ZNF131: variants seen among roughly 807,000 people sequenced by gnomAD.
ZNF131 encodes zinc finger and BTB domain containing 35.
Under a neutral mutation model 60.0 loss-of-function variants are expected in ZNF131, and 7 were observed. That is an observed-to-expected ratio of 0.12 (90% CI 0.07 to 0.22). The LOEUF (loss-of-function observed/expected upper bound fraction) is 0.22. Ranked by LOEUF, ZNF131 falls within the 10% of genes least tolerant of loss-of-function variation. The probability of loss-of-function intolerance (pLI) is 1.00; values close to 1 mark genes in which losing one functional copy is unlikely to be tolerated. For missense variants in ZNF131, 493 were observed against 740.9 expected, an observed-to-expected ratio of 0.67 and a Z score of 3.88; for synonymous variants, 257 against 253.2, an observed-to-expected ratio of 1.01 and a Z score of -0.14.
chr5:43,144,418 C>T (rs1413676826), intron 4 of ZNF131, among the ~76,000 whole-genome samples: 1 of 151,622 alleles, frequency 6.6e-6, no homozygotes, highest in Non-Finnish European at 1.5e-5. Context: ...TTGGTAGAGT[C>T]GGAGTTTCAC....
At chr5:43,143,487 A>G (rs949349630) in intron 4 of ZNF131, 5 of 1,164,144 alleles carry the variant, frequency 4.3e-6, no homozygotes, top group Non-Finnish European at 5.9e-6. Context: ...TTAATTTCCT[A>G]TCCCACTGGA....
At chr5:43,170,618 G>GT (rs1561449987) in intron 5 of ZNF131, among the ~76,000 whole-genome samples, 11 of 148,852 alleles carry the variant, frequency 7.4e-5, no homozygotes, top group African/African-American at 2.5e-4. Context: ...ACCTGTAACA[G>GT]CATTCATCTT....
In ZNF131 at chr5:43,174,044, G is replaced by A. The variant is rs193147319; in HGVS notation, c.1186-403G>A. ...GGAGTTCAAGACCAGGCTGGCTAAC[G>A]TGCTGAAACCCTGTCTCTACTAAAA... On this transcript the variant is annotated intron_variant, in intron 6 of 6. Transcript: ENST00000682664. 2.0e-3 allele frequency among the ~76,000 whole-genome samples: 312 copies of A among 152,196 alleles called. 1 individual carries two copies. The highest frequency in any genetic ancestry group is 6.9e-3 in the African/African-American group (288 of 41,552).
chr5:43,144,382 C>T (rs1747316187), intron 4 of ZNF131, among the ~76,000 whole-genome samples: 1 of 151,566 alleles, frequency 6.6e-6, no homozygotes, highest in Non-Finnish European at 1.5e-5. Flanking sequence ...GCGCTCACCA[C>T]CACGCCCAAC....
chr5:43,171,235 A>C (rs1750953190), intron 5 of ZNF131, among the ~76,000 whole-genome samples: 1 of 152,190 alleles, frequency 6.6e-6, no homozygotes, highest in Non-Finnish European at 1.5e-5. Context: ...GGTGTGAGCC[A>C]CCGCACCTGG....
chr5:43,173,760 T>G (rs1372553635), intron 6 of ZNF131, among the ~76,000 whole-genome samples: 1 of 151,588 alleles, frequency 6.6e-6, no homozygotes, highest in Non-Finnish European at 1.5e-5. Flanking sequence ...CCCCCCATGA[T>G]TAGTGTATTT....
chr5:43,130,905 C>G (rs1745261388), intron 3 of ZNF131, among the ~76,000 whole-genome samples: 1 of 149,242 alleles, frequency 6.7e-6, no homozygotes, highest in South Asian at 2.1e-4. Flanking sequence ...ACTCTGCCAC[C>G]CAGGCTGGAG....
intron 3 of ZNF131, among the ~76,000 whole-genome samples, chr5:43,138,581 G>A (rs1376622965): frequency 6.6e-6 from 1 of 152,176 alleles, no homozygotes; most frequent in African/African-American, 2.4e-5. Flanking sequence ...GAATCTGGGA[G>A]GCAGAGGTTG....
chr5:43,126,069 G>T (rs745596016), intron 3 of ZNF131, among the ~76,000 whole-genome samples: 1 of 152,214 alleles, frequency 6.6e-6, no homozygotes, highest in Non-Finnish European at 1.5e-5. Context: ...GTCTAGCAAG[G>T]TCACCTGGCT....
chr5:43,175,129 A>G lies in ZNF131; in HGVS notation c.1868A>G (p.Glu623Gly). The G allele has an allele frequency of 6.2e-7, 1 of 1,603,294 alleles. No individual in the cohort carries two copies. The highest frequency in any genetic ancestry group is 8.5e-7 in the Non-Finnish European group (1 of 1,175,956). ...NEDRTALPVL[E>G] ...GACAGAACAGCTCTGCCAGTTTTAG[A>G]ATGAAATTACACATGAATATATTTT... Residue 623 changes from glutamate (E) to glycine (G), a missense_variant, in exon 7 of 7, where the codon GAA (glutamate) becomes GGA (glycine). By Grantham distance (98) the Glu-to-Gly change is moderately conservative. Transcript: ENST00000682664.
At chr5:43,159,270 C>T (rs1436466350) in intron 4 of ZNF131, among the ~76,000 whole-genome samples, 5 of 152,084 alleles carry the variant, frequency 3.3e-5, no homozygotes, top group Non-Finnish European at 5.9e-5. Flanking sequence ...ATACTGCAAA[C>T]ATCCAAACCG....
At chr5:43,131,507 T>C (rs1454279562) in intron 3 of ZNF131, among the ~76,000 whole-genome samples, 1 of 152,158 alleles carries the variant, frequency 6.6e-6, no homozygotes, top group Non-Finnish European at 1.5e-5. Flanking sequence ...TGTGTTGACA[T>C]GGCATACGAA....
At chr5:43,132,659 C>T (rs1046587758) in intron 3 of ZNF131, among the ~76,000 whole-genome samples, 10 of 151,934 alleles carry the variant, frequency 6.6e-5, no homozygotes, top group African/African-American at 9.7e-5. Context: ...TACAGGCGCG[C>T]GTAACCACAC....
Position 43,127,000 on chromosome 5 carries a change from G to GA in ZNF131, c.226+3697dup, listed in dbSNP as rs557016029. On this transcript the variant is annotated intron_variant, in intron 3 of 6. Coordinates refer to ENST00000682664, the MANE Select transcript of ZNF131 (RefSeq NM_001330707.2). ...CAAGTCTAAGCTGACATATGTGGGA[G>GA]AAAAAAACCAGGAAACTCACTACTG... Among the ~76,000 whole-genome samples, 702 of 152,118 alleles carry GA rather than the reference G, an allele frequency of 4.6e-3. 4 individuals carry two copies. The highest frequency in any genetic ancestry group is 0.016 in the African/African-American group (680 of 41,510).
intron 5 of ZNF131, among the ~76,000 whole-genome samples, chr5:43,172,081 CTG>C (rs1241702662): frequency 6.6e-6 from 1 of 152,238 alleles, no homozygotes; most frequent in Non-Finnish European, 1.5e-5. Context: ...TTGGTAATGA[CTG>C]TTTTCATTGT....
chr5:43,133,460 C>G (rs886678777), intron 3 of ZNF131, among the ~76,000 whole-genome samples: 4 of 152,038 alleles, frequency 2.6e-5, no homozygotes, highest in African/African-American at 7.2e-5. Context: ...TGGGAAACTC[C>G]ATCTCAAAAA....
intron 4 of ZNF131, among the ~76,000 whole-genome samples, chr5:43,150,874 A>AG (rs1748219535): frequency 6.6e-6 from 1 of 152,208 alleles, no homozygotes. Flanking sequence ...CAGAACTTCA[A>AG]GCAGCAGGAT....
chr5:43,124,691 G>A (rs1744285274), intron 3 of ZNF131: 1 of 152,104 alleles, frequency 6.6e-6, no homozygotes. Flanking sequence ...GACCCCAGGC[G>A]GGTTACTTTA....
intron 5 of ZNF131, among the ~76,000 whole-genome samples, chr5:43,172,084 T>A (rs564844439): frequency 6.6e-6 from 1 of 152,320 alleles, no homozygotes; most frequent in Non-Finnish European, 1.5e-5. Context: ...GTAATGACTG[T>A]TTTCATTGTC....
Sources: gnomAD v4.1 joint callset for allele counts (sites outside exome capture counted in the v4.1 genomes callset) on GRCh38, gnomAD v4.1.1 for gene constraint, MANE v1.5 for transcripts, NCBI Gene and HGNC (gene_info 2026-07-23, HGNC 2026-07-21) for gene names.